TMPRSS12: variants seen among roughly 807,000 people sequenced by gnomAD.
TMPRSS12 encodes the protein transmembrane protease serine 12.
A neutral mutation model predicts 26.0 loss-of-function variants in TMPRSS12; 25 were observed. The ratio of observed to expected loss-of-function variants is 0.96; its 90% CI spans 0.70 to 1.34. The LOEUF (loss-of-function observed/expected upper bound fraction) is 1.34. Ranked by LOEUF, TMPRSS12 falls within the 40% of genes most tolerant of loss-of-function variation. The probability of loss-of-function intolerance (pLI) is 0.00; values close to 1 mark genes in which losing one functional copy is unlikely to be tolerated. For synonymous variants in TMPRSS12, 150 were observed against 161.7 expected (o/e 0.93, Z 0.55); for missense variants, 441 against 440.1 (o/e 1.00, Z -0.02).
At chr12:50,887,070 T>G (rs941887463) in intron 4 of TMPRSS12, 192 bp from the exon 5 acceptor site, 28 of 579,566 alleles carry the variant, frequency 4.8e-5, no homozygotes, top group Admixed American at 2.2e-4. Flanking sequence ...TCCAAATACC[T>G]GGGTAAAATT....
At chr12:50,862,421 A>G (rs1937946019) in intron 3 of TMPRSS12, among the ~76,000 whole-genome samples, 1 of 152,218 alleles carries the variant, frequency 6.6e-6, no homozygotes, top group African/African-American at 2.4e-5. Flanking sequence ...AAATGGTTAA[A>G]GAATAAAACT....
intron 3 of TMPRSS12, among the ~76,000 whole-genome samples, chr12:50,881,196 T>G (rs930823872): frequency 2.0e-5 from 3 of 152,112 alleles, no homozygotes; most frequent in Non-Finnish European, 4.4e-5. Context: ...ATGGTCAGGC[T>G]GGTCTTGAAC....
Position 50,885,096 on chromosome 12 carries a change from C to T in TMPRSS12, c.653-150C>T, listed in dbSNP as rs886446700. 25 of 649,842 alleles carry T rather than the reference C, an allele frequency of 3.8e-5. No individual in the cohort carries two copies. The African/African-American group carries it at 4.1e-4, about 11-fold the overall frequency. The allele number at this position is 649,842 out of a possible 1,614,324, so 40.3% of individuals were successfully genotyped here. A position where few individuals can be genotyped will look rare whatever the true frequency, so the allele number is the denominator to read the frequency against. ...AACATTCTTCTACAATCTTCCTAGG[C>T]ATACATACATATTCATACACATATA... On this transcript the variant is annotated intron_variant, in intron 3 of 4. Coordinates refer to ENST00000398458, the MANE Select transcript of TMPRSS12 (RefSeq NM_182559.3).
intron 3 of TMPRSS12, among the ~76,000 whole-genome samples, chr12:50,868,766 A>C (rs1262401120): frequency 6.6e-6 from 1 of 152,186 alleles, no homozygotes; most frequent in South Asian, 2.1e-4. Flanking sequence ...GACCTCAATA[A>C]ATTTAAGAAA....
chr12:50,844,473 A>G (rs895028780), intron 2 of TMPRSS12, among the ~76,000 whole-genome samples: 3 of 151,666 alleles, frequency 2.0e-5, no homozygotes, highest in Non-Finnish European at 4.4e-5. Flanking sequence ...TCCTGGGTTC[A>G]TGCGATTCTT....
At chr12:50,881,078 T>C (rs1938160190) in intron 3 of TMPRSS12, among the ~76,000 whole-genome samples, 1 of 141,244 alleles carries the variant, frequency 7.1e-6, no homozygotes, top group Non-Finnish European at 1.5e-5. Context: ...GCCTCCCGGG[T>C]TCAAGCAATC....
At chr12:50,859,901 T>C (rs1451171021) in intron 3 of TMPRSS12, among the ~76,000 whole-genome samples, 1 of 152,238 alleles carries the variant, frequency 6.6e-6, no homozygotes, top group Non-Finnish European at 1.5e-5. Flanking sequence ...TGCCTGACTG[T>C]GTTTCACTCT....
At chr12:50,878,068 G>A (rs1353915036) in intron 3 of TMPRSS12, among the ~76,000 whole-genome samples, 3 of 152,136 alleles carry the variant, frequency 2.0e-5, no homozygotes, top group Non-Finnish European at 4.4e-5. Context: ...AAGACTCAAT[G>A]TTGTTAATAC....
At chr12:50,864,133 C>T (rs189603633) in intron 3 of TMPRSS12, among the ~76,000 whole-genome samples, 11 of 152,264 alleles carry the variant, frequency 7.2e-5, no homozygotes, top group African/African-American at 2.4e-4. Context: ...AAATACCACT[C>T]ACACGGATTT....
At chr12:50,844,992 G>C (rs1236033827) in intron 2 of TMPRSS12, among the ~76,000 whole-genome samples, 1 of 152,142 alleles carries the variant, frequency 6.6e-6, no homozygotes, top group Non-Finnish European at 1.5e-5. Flanking sequence ...TTTGAGACCA[G>C]CCTGGGAAAT....
chr12:50,868,085 A>G (rs547242301), intron 3 of TMPRSS12, among the ~76,000 whole-genome samples: 18 of 152,288 alleles, frequency 1.2e-4, no homozygotes, highest in Non-Finnish European at 2.1e-4. Flanking sequence ...ATAAACAAAA[A>G]ATCGAAAACC....
intron 3 of TMPRSS12, among the ~76,000 whole-genome samples, chr12:50,861,960 C>A (rs1937940209): frequency 6.6e-6 from 1 of 152,120 alleles, no homozygotes; most frequent in Non-Finnish European, 1.5e-5. Flanking sequence ...CGGGCACGTG[C>A]CACCACACTC....
chr12:50,878,736 C>A (rs1850663413), intron 3 of TMPRSS12, among the ~76,000 whole-genome samples: 1 of 152,168 alleles, frequency 6.6e-6, no homozygotes. Flanking sequence ...GCTGGGACAA[C>A]TGGATATCCT....
intron 3 of TMPRSS12, among the ~76,000 whole-genome samples, chr12:50,881,646 A>C (rs908013366): frequency 7.9e-5 from 12 of 152,104 alleles, no homozygotes; most frequent in Admixed American, 7.2e-4. Context: ...ATAGAGGTAA[A>C]ACATAAAATT....
intron 3 of TMPRSS12, among the ~76,000 whole-genome samples, chr12:50,882,035 A>ATATATG (rs1680341910): frequency 8.4e-6 from 1 of 119,060 alleles, no homozygotes; most frequent in East Asian, 2.3e-4. Flanking sequence ...ATATATATAT[A>ATATATG]TATATATGTT....
At chr12:50,879,698 A>G (rs1938146564) in intron 3 of TMPRSS12, among the ~76,000 whole-genome samples, 1 of 152,200 alleles carries the variant, frequency 6.6e-6, no homozygotes, top group Non-Finnish European at 1.5e-5. Flanking sequence ...CCAGGCAAAG[A>G]GGCTAATGCC....
At chr12:50,857,186 A>G (rs892823885) in intron 2 of TMPRSS12, among the ~76,000 whole-genome samples, 1 of 152,218 alleles carries the variant, frequency 6.6e-6, no homozygotes, top group African/African-American at 2.4e-5. Context: ...ATTAAATTAT[A>G]TAACATAAGC....
At chr12:50,883,594 G>A (rs1033391223) in intron 3 of TMPRSS12, among the ~76,000 whole-genome samples, 1 of 152,064 alleles carries the variant, frequency 6.6e-6, no homozygotes, top group Non-Finnish European at 1.5e-5. Context: ...AAGGAGGGAG[G>A]ATTACTTGAA....
intron 2 of TMPRSS12, among the ~76,000 whole-genome samples, chr12:50,849,773 TGTA>T (rs796795746): frequency 2.6e-5 from 4 of 151,902 alleles, no homozygotes; most frequent in African/African-American, 9.6e-5. Flanking sequence ...TAACTTAACA[TGTA>T]GTAAAATTCA....
Sources: allele counts gnomAD v4.1 joint callset (sites outside exome capture counted in the v4.1 genomes callset), GRCh38; gene constraint gnomAD v4.1.1; transcripts MANE v1.5; gene names NCBI Gene and HGNC (gene_info 2026-07-23, HGNC 2026-07-21).